The following LRMDA variants were observed in gnomAD, a reference collection of about 807,000 sequenced individuals.
The protein encoded by LRMDA is leucine-rich melanocyte differentiation-associated protein.
A neutral mutation model predicts 29.8 loss-of-function variants in LRMDA; 18 were observed. The observed-to-expected ratio is 0.60, with a 90% confidence interval of 0.42 to 0.90. LRMDA has a LOEUF of 0.90. Among genes scored for constraint, LRMDA ranks in the 40% least tolerant of loss-of-function variants. The probability of loss-of-function intolerance (pLI) is 0.00; values close to 1 mark genes in which losing one functional copy is unlikely to be tolerated. For synonymous variants in LRMDA, 125 were observed against 109.4 expected, an observed-to-expected ratio of 1.14 and a Z score of -0.89; for missense variants, 273 against 273.9, an observed-to-expected ratio of 1.00 and a Z score of 0.02.
intron 6 of LRMDA, among the ~76,000 whole-genome samples, chr10:76,441,639 G>C (rs12415604): frequency 0.027 from 4,101 of 152,208 alleles, 125 homozygotes; most frequent in East Asian, 0.072. Flanking sequence ...ATTGCACAGG[G>C]GGAGTGGCAG....
At chr10:75,672,524 T>C (rs866111560) in intron 2 of LRMDA, among the ~76,000 whole-genome samples, 494 of 10,420 alleles carry the variant, frequency 0.047, 96 homozygotes, top group East Asian at 0.14. Flanking sequence ...TCTTTTCTTT[T>C]CCTCCCCTCC....
chr10:75,958,856 G>GAAGGTGGAAGGCTT (rs1846711533), intron 2 of LRMDA, among the ~76,000 whole-genome samples: 1 of 152,192 alleles, frequency 6.6e-6, no homozygotes. Context: ...GTGGAAGGCT[G>GAAGGTGGAAGGCTT]AAGGTGAAAG....
intron 6 of LRMDA, among the ~76,000 whole-genome samples, chr10:76,418,927 A>G (rs562242161): frequency 2.6e-5 from 4 of 152,144 alleles, no homozygotes; most frequent in African/African-American, 9.6e-5. Context: ...AATAGACTTT[A>G]TTTTAGGAAG....
At chr10:76,244,779 C>T (rs555881950) in intron 5 of LRMDA, among the ~76,000 whole-genome samples, 13 of 152,304 alleles carry the variant, frequency 8.5e-5, no homozygotes, top group Admixed American at 3.3e-4. Context: ...TGATTGATTA[C>T]ATCCCACCAA....
At chr10:76,148,248 G>A (rs1025833945) in intron 5 of LRMDA, among the ~76,000 whole-genome samples, 2 of 152,202 alleles carry the variant, frequency 1.3e-5, no homozygotes, top group African/African-American at 4.8e-5. Context: ...AGAGGTTACT[G>A]CTATCTTTTT....
intron 2 of LRMDA, among the ~76,000 whole-genome samples, chr10:75,563,987 G>T (rs1445023141): frequency 6.6e-6 from 1 of 152,216 alleles, no homozygotes; most frequent in Non-Finnish European, 1.5e-5. Context: ...AGGGGTCAGG[G>T]ACCCACTTGA....
chr10:75,712,081 C>T (rs1842443183), intron 2 of LRMDA, among the ~76,000 whole-genome samples: 1 of 152,150 alleles, frequency 6.6e-6, no homozygotes, highest in African/African-American at 2.4e-5. Flanking sequence ...CACTTGACTA[C>T]AGCTTATCAA....
At chr10:76,284,055 C>G (rs1228441302) in intron 5 of LRMDA, among the ~76,000 whole-genome samples, 1 of 152,140 alleles carries the variant, frequency 6.6e-6, no homozygotes, top group African/African-American at 2.4e-5. Flanking sequence ...TTCAAGAGCT[C>G]AGGTCATTTC....
intron 2 of LRMDA, among the ~76,000 whole-genome samples, chr10:75,679,448 C>T (rs192425588): frequency 5.4e-4 from 82 of 152,242 alleles, no homozygotes; most frequent in Admixed American, 1.7e-3. Flanking sequence ...CCGGAATTCT[C>T]ATCCAGGTCT....
chr10:76,349,968 T>C (rs1292416835), intron 6 of LRMDA, among the ~76,000 whole-genome samples: 4 of 151,896 alleles, frequency 2.6e-5, no homozygotes, highest in Non-Finnish European at 5.9e-5. Context: ...TTAAATAAAG[T>C]GAAATAACAT....
intron 5 of LRMDA, among the ~76,000 whole-genome samples, chr10:76,132,867 A>T (rs540647341): frequency 6.8e-6 from 1 of 147,872 alleles, no homozygotes; most frequent in East Asian, 2.1e-4. Flanking sequence ...CAGTGGCACT[A>T]TCTTGGCTCA....
chr10:75,982,887 T>C (rs1361207075), intron 2 of LRMDA, among the ~76,000 whole-genome samples: 1 of 152,198 alleles, frequency 6.6e-6, no homozygotes, highest in Non-Finnish European at 1.5e-5. Context: ...GTCTATTGCA[T>C]ACGTTATCTT....
At chr10:75,675,002 C>T (rs1263451093) in intron 2 of LRMDA, among the ~76,000 whole-genome samples, 2 of 152,152 alleles carry the variant, frequency 1.3e-5, no homozygotes, top group East Asian at 1.9e-4. Context: ...TTCATTTCCA[C>T]GTAATTGTGA....
At chr10:75,663,933 A>ATG (rs1470562928) in intron 2 of LRMDA, among the ~76,000 whole-genome samples, 8 of 152,186 alleles carry the variant, frequency 5.3e-5, no homozygotes, top group Non-Finnish European at 7.4e-5. Flanking sequence ...GCTCCTTAGA[A>ATG]TATACTCAGG....
intron 2 of LRMDA, among the ~76,000 whole-genome samples, chr10:75,736,126 G>A (rs945747150): frequency 7.2e-5 from 11 of 152,114 alleles, no homozygotes; most frequent in African/African-American, 2.7e-4. Context: ...ATATTATGGT[G>A]TAAAATTATA....
Position 76,033,446 on chromosome 10 carries a change from C to T in LRMDA, c.132-2562C>T, listed in dbSNP as rs566132525. ...CTGGCGTGGATTTCTGCCCCATAGC[C>T]CACCCTGAGGGGAAGAAAGGCTGGC... On this transcript the variant is annotated intron_variant, in intron 2 of 6. Transcript: ENST00000611255. Among the ~76,000 whole-genome samples the T allele has an allele frequency of 3.4e-4, 51 of 152,226 alleles. 1 individual carries two copies. Among genetic ancestry groups the T allele is most frequent in the African/African-American group, 1.2e-3 (49 of 41,544 alleles).
chr10:76,388,796 A>G (rs1345853725), intron 6 of LRMDA, among the ~76,000 whole-genome samples: 1 of 152,220 alleles, frequency 6.6e-6, no homozygotes, highest in African/African-American at 2.4e-5. Context: ...CAAGTAGTTC[A>G]TTTAATCCTC....
chr10:76,400,567 A>C (rs1260761844), intron 6 of LRMDA, among the ~76,000 whole-genome samples: 1 of 152,084 alleles, frequency 6.6e-6, no homozygotes, highest in Non-Finnish European at 1.5e-5. Context: ...CTCCCTATTC[A>C]AGCTGTTTTC....
chr10:76,108,343 G>T (rs1849521793), intron 5 of LRMDA, among the ~76,000 whole-genome samples: 1 of 152,154 alleles, frequency 6.6e-6, no homozygotes, highest in Non-Finnish European at 1.5e-5. Context: ...ATGGAGCTGG[G>T]ATTGTGGAGG....
Sources: gnomAD v4.1 joint callset for allele counts (sites outside exome capture counted in the v4.1 genomes callset) on GRCh38, gnomAD v4.1.1 for gene constraint, MANE v1.5 for transcripts, NCBI Gene and HGNC (gene_info 2026-07-23, HGNC 2026-07-21) for gene names.